The following ZNF407 variants were observed in gnomAD, a reference collection of about 807,000 sequenced individuals.
ZNF407 encodes zinc finger protein 407.
A neutral mutation model predicts 131.2 loss-of-function variants in ZNF407; 17 were observed. The ratio of observed to expected loss-of-function variants is 0.13; its 90% confidence interval spans 0.09 to 0.19. The LOEUF (loss-of-function observed/expected upper bound fraction) is 0.19. Ranked by LOEUF, ZNF407 falls within the 10% of genes least tolerant of loss-of-function variation. The probability of loss-of-function intolerance (pLI) is 1.00; values close to 1 mark genes in which losing one functional copy is unlikely to be tolerated. For synonymous variants in ZNF407, 1,156 were observed against 1,062.0 expected (o/e 1.09, Z -1.72); for missense variants, 2,681 against 2,830.6 (o/e 0.95, Z 1.20).
intron 8 of ZNF407, among the ~76,000 whole-genome samples, chr18:74,973,882 T>C (rs528129685): frequency 1.4e-4 from 22 of 152,316 alleles, no homozygotes; most frequent in Non-Finnish European, 2.2e-4. Flanking sequence ...AAAATGACAC[T>C]AGACATGTTG....
intron 1 of ZNF407, among the ~76,000 whole-genome samples, chr18:74,619,269 G>A (rs940068095): frequency 6.6e-6 from 1 of 152,138 alleles, no homozygotes; most frequent in Non-Finnish European, 1.5e-5. Flanking sequence ...GGAAACCAAG[G>A]CTCAGCCAAG....
chr18:75,036,299 G>A (rs1253646018), intron 8 of ZNF407, among the ~76,000 whole-genome samples: 5 of 151,878 alleles, frequency 3.3e-5, no homozygotes, highest in Non-Finnish European at 5.9e-5. Context: ...AAAATAAAAC[G>A]ATGTTCACAG....
chr18:74,762,358 A>G (rs183854669), intron 3 of ZNF407, among the ~76,000 whole-genome samples: 12 of 152,290 alleles, frequency 7.9e-5, no homozygotes, highest in Admixed American at 5.9e-4. Context: ...TTTCTAATTA[A>G]AATTATTATG....
At chr18:74,978,537 C>A (rs552474066) in intron 8 of ZNF407, among the ~76,000 whole-genome samples, 3 of 152,006 alleles carry the variant, frequency 2.0e-5, no homozygotes, top group Admixed American at 2.0e-4. Flanking sequence ...AGGCAGCACA[C>A]TGTGTATGGA....
chr18:74,801,516 T>A (rs1970019154), intron 4 of ZNF407, among the ~76,000 whole-genome samples: 1 of 152,252 alleles, frequency 6.6e-6, no homozygotes, highest in South Asian at 2.1e-4. Flanking sequence ...ATTTTTTATT[T>A]TCTCTTACAG....
intron 4 of ZNF407, among the ~76,000 whole-genome samples, chr18:74,831,947 G>A (rs181305173): frequency 4.6e-5 from 7 of 152,278 alleles, no homozygotes; most frequent in African/African-American, 7.2e-5. Context: ...CAATTCTCTC[G>A]TGGCTGCCTC....
intron 8 of ZNF407, among the ~76,000 whole-genome samples, chr18:74,937,984 T>C (rs1972057212): frequency 6.6e-6 from 1 of 152,200 alleles, no homozygotes; most frequent in South Asian, 2.1e-4. Flanking sequence ...ACATGTGATA[T>C]TATTATTATC....
intron 8 of ZNF407, among the ~76,000 whole-genome samples, chr18:75,011,315 G>C (rs1254089918): frequency 6.6e-6 from 1 of 152,038 alleles, no homozygotes; most frequent in African/African-American, 2.4e-5. Flanking sequence ...CACGTTTTTT[G>C]GAAGGTGTTT....
At chr18:74,855,702 A>G (rs1451064391) in intron 4 of ZNF407, among the ~76,000 whole-genome samples, 1 of 152,214 alleles carries the variant, frequency 6.6e-6, no homozygotes, top group African/African-American at 2.4e-5. Context: ...AAAAATAGCA[A>G]ATATCCTCTA....
At position 74,932,920 on chromosome 18, in the gene ZNF407, T is replaced by C. The variant is rs140982668; in HGVS notation, c.5428+12228T>C. ...GAGTGCTGACAAGGATGCAGAGAAG[T>C]TGGAACCCTTATGCGCTGCTGAAGC... On this transcript the variant is annotated intron_variant, in intron 8 of 8. Coordinates refer to ENST00000299687, the MANE Select transcript of ZNF407 (RefSeq NM_017757.3). 7.9e-5 allele frequency among the ~76,000 whole-genome samples: 12 copies of C among 152,268 alleles called. No individual in the cohort carries two copies. The East Asian group carries it at 1.3e-3, about 17-fold the overall frequency.
At chr18:75,025,823 A>C (rs1366019222) in intron 8 of ZNF407, among the ~76,000 whole-genome samples, 1 of 152,224 alleles carries the variant, frequency 6.6e-6, no homozygotes, top group African/African-American at 2.4e-5. Context: ...TATGCTGCCA[A>C]GTGTGCGTGT....
intron 4 of ZNF407, among the ~76,000 whole-genome samples, chr18:74,855,192 G>A (rs1237534736): frequency 1.3e-5 from 2 of 152,096 alleles, no homozygotes; most frequent in African/African-American, 4.8e-5. Context: ...CAGATCTATT[G>A]GTTTTGCTAA....
rs764191027 is a variant in ZNF407, at chr18:75,054,120, C to T, written c.5429-9030C>T. Among the ~76,000 whole-genome samples, 10 of 152,240 alleles carry T rather than the reference C, an allele frequency of 6.6e-5. No homozygotes were observed. The South Asian group carries it at 1.0e-3, about 16-fold the overall frequency. On this transcript the variant is annotated intron_variant, in intron 8 of 8. Transcript: ENST00000299687. The stretch of plus-strand genomic sequence containing the variant: ...TTGGAAAGAGCAGCCATGTGCCCAG[C>T]ACATATGATTCATTTTAAGGCATAG...
intron 3 of ZNF407, among the ~76,000 whole-genome samples, chr18:74,719,312 ATC>A (rs921019407): frequency 2.0e-5 from 3 of 152,092 alleles, no homozygotes; most frequent in African/African-American, 7.2e-5. Context: ...CCTTTAACAC[ATC>A]TCTCCCTATT....
intron 7 of ZNF407, among the ~76,000 whole-genome samples, chr18:74,914,027 T>A (rs1971711750): frequency 6.6e-6 from 1 of 152,214 alleles, no homozygotes; most frequent in Non-Finnish European, 1.5e-5. Flanking sequence ...TCAAAGCTGC[T>A]CAAGACTTTC....
rs1285352456 is a variant in ZNF407, at chr18:74,706,852, CA to C, written c.4802+65731del. Among the ~76,000 whole-genome samples the C allele has an allele frequency of 4.6e-5, 7 of 152,106 alleles. No homozygotes were observed. In the East Asian group the frequency reaches 1.4e-3, roughly 29 times the overall value. ...TGGACACAACGCTTCAAGTGCTCATCAGCTCTTCCCATGTCCTGTTTCTTCT... is the reference window on the plus strand; with the variant it reads ...TGGACACAACGCTTCAAGTGCTCATCGCTCTTCCCATGTCCTGTTTCTTCT... On this transcript the variant is annotated intron_variant, in intron 3 of 8. Coordinates refer to ENST00000299687, the MANE Select transcript of ZNF407 (RefSeq NM_017757.3).
intron 3 of ZNF407, among the ~76,000 whole-genome samples, chr18:74,683,016 C>G (rs1170235920): frequency 6.6e-6 from 1 of 152,148 alleles, no homozygotes; most frequent in African/African-American, 2.4e-5. Context: ...TCTGCCTGTT[C>G]ATTGGTTAGC....
Position 74,635,491 on chromosome 18 carries a change from G to A in ZNF407, c.4472G>A (p.Cys1491Tyr). 1 of 1,612,584 alleles carries A rather than the reference G, an allele frequency of 6.2e-7. No individual in the cohort carries two copies. Among genetic ancestry groups the A allele is most frequent in the South Asian group, 1.1e-5 (1 of 90,862 alleles). The change falls in exon 2 of 9, where the codon TGC becomes TAC. Residue 1491 changes from cysteine to tyrosine, a missense_variant. Cys to Tyr is a radical substitution (Grantham distance 194). Coordinates refer to ENST00000299687, the MANE Select transcript of ZNF407 (RefSeq NM_017757.3). This position sits in a 1 kb window ranked among gnomAD's most constrained non-coding sequence, Gnocchi z 4.7. ...GGGGCCACCTTTAAATGTGTCAAGT[G>A]CACAGAGCCCTTTGATTCTGAACAG... ...EGGATFKCVK[C>Y]TEPFDSEQNL...
intron 8 of ZNF407, among the ~76,000 whole-genome samples, chr18:75,022,218 T>A (rs377598770): frequency 6.6e-6 from 1 of 152,180 alleles, no homozygotes; most frequent in Non-Finnish European, 1.5e-5. Context: ...CTGCAGGTAA[T>A]GGTGCTCATT....
Sources: gnomAD v4.1 joint callset for allele counts (sites outside exome capture counted in the v4.1 genomes callset) on GRCh38, gnomAD v4.1.1 for gene constraint, Gnocchi (gnomAD v3.1) non-coding constraint, MANE v1.5 for transcripts, NCBI Gene and HGNC (gene_info 2026-07-23, HGNC 2026-07-21) for gene names.